Variants in PKIG observed in about 807,000 individuals in gnomAD.
PKIG encodes the protein cAMP-dependent protein kinase inhibitor gamma.
PKIG carries 1 observed loss-of-function variant against 6.8 expected under a neutral mutation model. The observed-to-expected ratio is 0.15, with a 90% CI of 0.05 to 0.69. The LOEUF (loss-of-function observed/expected upper bound fraction) is 0.69, where lower values mean the gene tolerates loss of function less well. Among genes scored for constraint, PKIG ranks in the 30% least tolerant of loss-of-function variants. PKIG has a pLI of 0.82. For synonymous variants in PKIG, 39 were observed against 43.0 expected, an observed-to-expected ratio of 0.91 and a Z score of 0.36; for missense variants, 77 against 104.0, an observed-to-expected ratio of 0.74 and a Z score of 1.13.
At position 44,536,808 on chromosome 20, in the gene PKIG, C is replaced by G. The variant is rs1236117669; in HGVS notation, c.-241+4830C>G. 2.6e-5 allele frequency among the ~76,000 whole-genome samples: 4 copies of G among 152,336 alleles called. No homozygotes were observed. In the South Asian group the frequency reaches 8.3e-4, roughly 32 times the overall value. On this transcript the variant is annotated intron_variant, in intron 1 of 4. Transcript: ENST00000372887. ...TCCCTTTGTGTTGCTTATACTTGAA[C>G]TTCTGTTAATTTCCTTTTATTTGAG...
At chr20:44,532,118 GGGAC>G (rs1391087188) in intron 1 of PKIG, 1 of 152,204 alleles carries the variant, frequency 6.6e-6, no homozygotes, top group African/African-American at 2.4e-5. Flanking sequence ...AGCCGCGCCG[GGGAC>G]GGCGCCCCCG....
intron 1 of PKIG, among the ~76,000 whole-genome samples, chr20:44,557,914 C>T (rs578127078): frequency 6.6e-6 from 1 of 152,168 alleles, no homozygotes; most frequent in East Asian, 1.9e-4. Flanking sequence ...TAAGGCTTTT[C>T]CATGTCTGAG....
chr20:44,609,484 A>AC (rs1158162710), intron 2 of PKIG, among the ~76,000 whole-genome samples: 1 of 152,174 alleles, frequency 6.6e-6, no homozygotes, highest in African/African-American at 2.4e-5. Flanking sequence ...GCTCCTCCCC[A>AC]CAGAGGACAG....
At chr20:44,596,467 A>G (rs2065075910) in intron 2 of PKIG, among the ~76,000 whole-genome samples, 1 of 152,238 alleles carries the variant, frequency 6.6e-6, no homozygotes, top group Admixed American at 6.5e-5. Context: ...CCAAGGGCTT[A>G]GGAACCTTGA....
rs377445940 is a variant in PKIG, at chr20:44,565,784, A to G, written c.-240-16801A>G. Reference sequence around the variant, plus strand: ...TGATTATTTTATTATTTATTTAGAGACAGAGTATTGCTCTGTCGCCCAGGC... The same window carrying G: ...TGATTATTTTATTATTTATTTAGAGGCAGAGTATTGCTCTGTCGCCCAGGC... On this transcript the variant is annotated intron_variant, in intron 1 of 4. Transcript: ENST00000372887. 2.0e-5 allele frequency among the ~76,000 whole-genome samples: 3 copies of G among 152,176 alleles called. No homozygotes were observed. In the East Asian group the frequency reaches 5.8e-4, roughly 29 times the overall value.
intron 1 of PKIG, among the ~76,000 whole-genome samples, chr20:44,550,041 C>G (rs1277270377): frequency 6.6e-6 from 1 of 151,094 alleles, no homozygotes; most frequent in Non-Finnish European, 1.5e-5. Context: ...GGAATTTTAT[C>G]TAGCACCTGA....
chr20:44,532,608 C>G (rs1308644516), intron 1 of PKIG, among the ~76,000 whole-genome samples: 1 of 152,152 alleles, frequency 6.6e-6, no homozygotes, highest in African/African-American at 2.4e-5. Flanking sequence ...AACAAGAATT[C>G]ACAGTGATTC....
intron 1 of PKIG, among the ~76,000 whole-genome samples, chr20:44,548,893 CACACACACACAT>C (rs1308281212): frequency 0.018 from 2,635 of 144,924 alleles, 41 homozygotes; most frequent in African/African-American, 0.042. Flanking sequence ...CACACACACA[CACACACACACAT>C]ATATCTGTCT....
chr20:44,558,842 C>G (rs987698875), intron 1 of PKIG, among the ~76,000 whole-genome samples: 5 of 151,978 alleles, frequency 3.3e-5, no homozygotes, highest in African/African-American at 1.2e-4. Flanking sequence ...GCCTCCACCT[C>G]CACAGCTCAA....
At position 44,614,373 on chromosome 20, in the gene PKIG, C is replaced by T. The variant is rs1201404608; in HGVS notation, c.-23-161C>T. 1.6e-5 allele frequency: 9 copies of T among 546,738 alleles called. No homozygotes were observed. Among genetic ancestry groups the T allele is most frequent in the Non-Finnish European group, 2.9e-5 (9 of 309,492 alleles). 33.9% of individuals were successfully genotyped at this position (546,738 alleles called of 1,614,324 possible). Reference sequence around the variant, plus strand: ...TGTCTGGGTGTGGAATTATGAGTGACTTGTTTTGTTCTTTGTACTTTTCTG... The same window carrying T: ...TGTCTGGGTGTGGAATTATGAGTGATTTGTTTTGTTCTTTGTACTTTTCTG... On this transcript the variant is annotated intron_variant, in intron 2 of 3. Transcript: ENST00000372886. The surrounding 1 kb of genome is among the most constrained non-coding windows in gnomAD (Gnocchi z 4.6).
At chr20:44,542,202 T>A (rs1320538683) in intron 1 of PKIG, among the ~76,000 whole-genome samples, 1 of 152,092 alleles carries the variant, frequency 6.6e-6, no homozygotes, top group African/African-American at 2.4e-5. Flanking sequence ...AGAACTTGGG[T>A]TTCAGGGAGA....
chr20:44,536,037 C>G (rs1421240262), intron 1 of PKIG, among the ~76,000 whole-genome samples: 2 of 152,228 alleles, frequency 1.3e-5, no homozygotes, highest in African/African-American at 4.8e-5. Flanking sequence ...ACTCTGGATA[C>G]ATCGTGTTAG....
intron 1 of PKIG, among the ~76,000 whole-genome samples, chr20:44,585,421 G>A (rs535962524): frequency 4.4e-4 from 67 of 152,182 alleles, no homozygotes; most frequent in Admixed American, 2.0e-3. Flanking sequence ...TCACACACAG[G>A]GCTGGGCATC....
In PKIG at chr20:44,614,623, G is replaced by A; in HGVS notation, c.67G>A (p.Val23Ile). The change falls in exon 3 of 4, where the codon GTC (valine) becomes ATC (isoleucine). Residue 23 changes from valine (V) to isoleucine (I), a missense_variant. By Grantham distance (29) the Val-to-Ile change is conservative. Transcript: ENST00000372886. The surrounding 1 kb of genome is among the most constrained non-coding windows in gnomAD (Gnocchi z 4.6). ...SCDRTGRRNA[V>I]PDIQGDSEAV... ...TGACCGGACAGGCCGTCGGAATGCG[G>A]TCCCTGACATCCAGGGAGACTCAGA... The A allele has an allele frequency of 6.2e-7, 1 of 1,613,908 alleles. No homozygotes were observed. Among genetic ancestry groups the A allele is most frequent in the Non-Finnish European group, 8.5e-7 (1 of 1,179,832 alleles).
chr20:44,590,206 C>T (rs1342398092), intron 2 of PKIG, among the ~76,000 whole-genome samples: 1 of 152,100 alleles, frequency 6.6e-6, no homozygotes, highest in Non-Finnish European at 1.5e-5. Flanking sequence ...CAACATTGGG[C>T]CTGGTGCCAG....
chr20:44,550,406 GA>G (rs376235557), intron 1 of PKIG, among the ~76,000 whole-genome samples: 1,770 of 145,140 alleles, frequency 0.012, 30 homozygotes, highest in African/African-American at 0.035. Flanking sequence ...ATTATTAACT[GA>G]AAAAAAAAAT....
chr20:44,574,562 T>TTTTTTGTTTTTG (rs60335742), intron 1 of PKIG, among the ~76,000 whole-genome samples: 5 of 151,454 alleles, frequency 3.3e-5, no homozygotes, highest in Non-Finnish European at 5.9e-5. Context: ...TCAGCATGTT[T>TTTTTTGTTTTTG]TTTTTGTTTT....
chr20:44,596,479 T>G (rs1275475195), intron 2 of PKIG, among the ~76,000 whole-genome samples: 2 of 152,030 alleles, frequency 1.3e-5, no homozygotes, highest in African/African-American at 4.8e-5. Context: ...GAACCTTGAG[T>G]AAATGATGTT....
intron 1 of PKIG, among the ~76,000 whole-genome samples, chr20:44,588,090 A>G (rs937626188): frequency 2.6e-5 from 4 of 152,226 alleles, no homozygotes; most frequent in African/African-American, 9.6e-5. Flanking sequence ...TCCTGTAGAA[A>G]GCCTAAGAGA....
Sources: gnomAD v4.1 joint callset for allele counts (sites outside exome capture counted in the v4.1 genomes callset) on GRCh38, gnomAD v4.1.1 for gene constraint, Gnocchi (gnomAD v3.1) non-coding constraint, MANE v1.5 for transcripts, NCBI Gene and HGNC (gene_info 2026-07-23, HGNC 2026-07-21) for gene names.